The following SEC11C variants were observed in gnomAD, a reference collection of about 807,000 sequenced individuals.
SEC11C encodes the protein signal peptidase complex catalytic subunit SEC11C.
SEC11C carries 10 observed loss-of-function variants against 21.9 expected under a neutral mutation model. The ratio of observed to expected loss-of-function variants is 0.46; its 90% CI spans 0.28 to 0.77. The LOEUF (loss-of-function observed/expected upper bound fraction) is 0.77, where lower values mean the gene tolerates loss of function less well. Ranked by LOEUF, SEC11C falls within the 30% of genes least tolerant of loss-of-function variation. The pLI is 0.12. For synonymous variants in SEC11C, 83 were observed against 85.6 expected, an observed-to-expected ratio of 0.97 and a Z score of 0.17; for missense variants, 145 against 244.5, an observed-to-expected ratio of 0.59 and a Z score of 2.71.
chr18:59,153,181 A>G (rs1219996886), intron 3 of SEC11C: 1 of 152,442 alleles, frequency 6.6e-6, no homozygotes, highest in Non-Finnish European at 1.5e-5. Context: ...CATATTCTGC[A>G]TTACTTTTCC....
At chr18:59,154,634 T>G (rs1367544620) in intron 3 of SEC11C, among the ~76,000 whole-genome samples, 3 of 152,242 alleles carry the variant, frequency 2.0e-5, no homozygotes, top group African/African-American at 7.2e-5. Flanking sequence ...CAGTAACAAA[T>G]TCTGCATTTG....
intron 4 of SEC11C, chr18:59,156,459 T>C (rs1224910467): frequency 1.3e-5 from 2 of 152,258 alleles, no homozygotes; most frequent in African/African-American, 4.8e-5. Context: ...CAAGCTGTTT[T>C]ATTGCGAATA....
At chr18:59,140,430 G>A (rs1467864221) in intron 1 of SEC11C, among the ~76,000 whole-genome samples, 1 of 152,250 alleles carries the variant, frequency 6.6e-6, no homozygotes, top group Non-Finnish European at 1.5e-5. Flanking sequence ...ACTGCCGGCA[G>A]GTGGAAGAGG....
rs372404731 is a variant in SEC11C at position 59,139,998 on chromosome 18, A to T, written c.50A>T (p.Asp17Val). 3.9e-5 allele frequency: 63 copies of T among 1,595,262 alleles called. No individual in the cohort carries two copies. The highest frequency in any genetic ancestry group is 5.2e-5 in the Non-Finnish European group (61 of 1,169,124). ...GCTCATCTCCCCGCGTCCGGCTTGGATATCTTCGGGGACCTGAAGAAGATG... is the reference window on the plus strand; with the variant it reads ...GCTCATCTCCCCGCGTCCGGCTTGGTTATCTTCGGGGACCTGAAGAAGATG... ...VGAHLPASGL[D>V]IFGDLKKMNK... Residue 17 changes from aspartate to valine, a missense_variant, in exon 1 of 6, where the codon GAT (aspartate) becomes GTT (valine). Physicochemically the swap from Asp to Val is radical, Grantham distance 152. Coordinates refer to ENST00000587834, the MANE Select transcript of SEC11C (RefSeq NM_033280.4).
At chr18:59,143,944 C>G (rs1239819963) in intron 1 of SEC11C, among the ~76,000 whole-genome samples, 1 of 151,714 alleles carries the variant, frequency 6.6e-6, no homozygotes. Flanking sequence ...CTCCGCCTCC[C>G]GGGTTCAAGC....
At chr18:59,155,839 T>C (rs4940848) in intron 4 of SEC11C, 32 bp downstream of exon 4, 78 of 1,605,956 alleles carry the variant, frequency 4.9e-5, no homozygotes, top group Non-Finnish European at 6.5e-5. Flanking sequence ...ATATAGAAGG[T>C]TATGAAAAAC....
At chr18:59,155,138 C>A (rs940152627) in intron 3 of SEC11C, among the ~76,000 whole-genome samples, 1 of 152,178 alleles carries the variant, frequency 6.6e-6, no homozygotes, top group African/African-American at 2.4e-5. Flanking sequence ...AGTTCAAGTC[C>A]AACACAGGTT....
intron 1 of SEC11C, among the ~76,000 whole-genome samples, chr18:59,142,993 A>G (rs1171167898): frequency 6.6e-6 from 1 of 151,682 alleles, no homozygotes; most frequent in Admixed American, 6.6e-5. Flanking sequence ...TTCCTTTTTC[A>G]CTCTCCTGGG....
intron 1 of SEC11C, among the ~76,000 whole-genome samples, chr18:59,141,934 T>C (rs989826548): frequency 6.6e-6 from 1 of 152,226 alleles, no homozygotes; most frequent in African/African-American, 2.4e-5. Flanking sequence ...TGTTTCATCA[T>C]TGGTTGACAA....
At chr18:59,146,928 A>G (rs2069283352) in intron 1 of SEC11C, 1 of 152,224 alleles carries the variant, frequency 6.6e-6, no homozygotes. Context: ...GGTGCAGCCA[A>G]GGTTGAGAAC....
At chr18:59,157,445 A>G (rs1329740760) in intron 4 of SEC11C, 163 bp from the exon 5 acceptor site, 5 of 575,320 alleles carry the variant, frequency 8.7e-6, no homozygotes, top group Non-Finnish European at 1.5e-5. Context: ...CTCCTTACTA[A>G]TAAAGCTGTT....
chr18:59,151,248 A>G (rs1377511941), intron 2 of SEC11C, among the ~76,000 whole-genome samples: 1 of 151,132 alleles, frequency 6.6e-6, no homozygotes, highest in East Asian at 1.9e-4. Context: ...ACATCTTCCC[A>G]CTGTATCTTC....
At chr18:59,140,753 G>A (rs1211664220) in intron 1 of SEC11C, among the ~76,000 whole-genome samples, 2 of 152,158 alleles carry the variant, frequency 1.3e-5, no homozygotes, top group Non-Finnish European at 2.9e-5. Context: ...GACCTCAGAG[G>A]AAAACGTTCC....
chr18:59,148,915 C>T (rs754167786), intron 1 of SEC11C, among the ~76,000 whole-genome samples: 1 of 152,186 alleles, frequency 6.6e-6, no homozygotes, highest in African/African-American at 2.4e-5. Context: ...GTGCCCAGCC[C>T]CACCTGTGCT....
At position 59,153,762 on chromosome 18, in the gene SEC11C, A is replaced by G. The variant is rs1052029730; in HGVS notation, c.347+1077A>G. On this transcript the variant is annotated intron_variant, in intron 3 of 5. Coordinates refer to ENST00000587834, the MANE Select transcript of SEC11C (RefSeq NM_033280.4). ...GGCTCTGTCTCCTAGGCTGGAGTGC[A>G]ATGGCATGATCTCAGCTCACTGCAG... Among the ~76,000 whole-genome samples, 101 of 150,010 alleles carry G rather than the reference A, an allele frequency of 6.7e-4. 1 individual carries two copies. Among genetic ancestry groups the G allele is most frequent in the African/African-American group, 2.4e-3 (96 of 40,684 alleles).
intron 2 of SEC11C, 28 bp from the exon 3 acceptor site, chr18:59,152,508 C>G (rs1434333132): frequency 2.5e-6 from 4 of 1,580,294 alleles, no homozygotes; most frequent in Middle Eastern, 3.4e-4. Context: ...CAGGGTAATG[C>G]TGATACTGAC....
intron 1 of SEC11C, among the ~76,000 whole-genome samples, chr18:59,145,417 A>G (rs1432646358): frequency 6.6e-6 from 1 of 152,206 alleles, no homozygotes; most frequent in East Asian, 1.9e-4. Context: ...GGACACTGAC[A>G]TTTAAAGGTG....
chr18:59,158,583 A>G, intron 5 of SEC11C, 49 bp from the exon 6 acceptor site: 1 of 1,526,688 alleles, frequency 6.6e-7, no homozygotes, highest in Non-Finnish European at 9.1e-7. Flanking sequence ...TTACAGACCA[A>G]ATTTCTTTGT....
At chr18:59,148,619 CT>C (rs5825316) in intron 1 of SEC11C, among the ~76,000 whole-genome samples, 80,088 of 146,854 alleles carry the variant, frequency 0.55, 22,537 homozygotes, top group East Asian at 0.88. Context: ...ACCTGTGCTC[CT>C]TTTTTTTTTT....
Sources: gnomAD v4.1 joint callset for allele counts (sites outside exome capture counted in the v4.1 genomes callset) on GRCh38, gnomAD v4.1.1 for gene constraint, MANE v1.5 for transcripts, NCBI Gene and HGNC (gene_info 2026-07-23, HGNC 2026-07-21) for gene names.